The following ABCC1 variants were observed in gnomAD, a reference collection of about 807,000 sequenced individuals.
ABCC1 encodes the protein ATP binding cassette subfamily C member 1 (ABCC1 blood group), also known as multidrug resistance-associated protein 1.
Under a neutral mutation model 172.9 loss-of-function variants are expected in ABCC1, and 83 were observed. The observed-to-expected ratio is 0.48, with a 90% confidence interval of 0.40 to 0.58. The LOEUF is 0.58. Among genes scored for constraint, ABCC1 ranks in the 20% least tolerant of loss-of-function variants. The probability of loss-of-function intolerance (pLI) is 0.00; values close to 1 mark genes in which losing one functional copy is unlikely to be tolerated. For synonymous variants in ABCC1, 937 were observed against 825.2 expected (o/e 1.14, Z -2.32); for missense variants, 1,817 against 2,002.7 (o/e 0.91, Z 1.77).
At chr16:16,079,161 CT>C (rs1041284796) in intron 15 of ABCC1, among the ~76,000 whole-genome samples, 190 bp from the exon 16 acceptor site, 4 of 152,294 alleles carry the variant, frequency 2.6e-5, no homozygotes, top group East Asian at 3.9e-4. Flanking sequence ...TGGAGGCCCC[CT>C]GAGACAGGTC....
chr16:16,020,838 G>A (rs2048169446), intron 5 of ABCC1, among the ~76,000 whole-genome samples: 1 of 152,160 alleles, frequency 6.6e-6, no homozygotes, highest in South Asian at 2.1e-4. Flanking sequence ...CAGCAGTCCT[G>A]GTGAACTTGG....
chr16:16,079,601 C>T, intron 16 of ABCC1, 123 bp downstream of exon 16: 2 of 1,201,650 alleles, frequency 1.7e-6, no homozygotes, highest in Admixed American at 2.7e-5. Flanking sequence ...CGTCTCTTTT[C>T]CTCCTCCTCC....
chr16:16,112,703 G>A (rs145925973), intron 22 of ABCC1, among the ~76,000 whole-genome samples: 14 of 152,334 alleles, frequency 9.2e-5, no homozygotes, highest in Admixed American at 2.6e-4. Flanking sequence ...ACTGTGCTAC[G>A]CAGTATGTGA....
At chr16:16,040,846 A>G (rs1279223813) in intron 7 of ABCC1, among the ~76,000 whole-genome samples, 1 of 152,054 alleles carries the variant, frequency 6.6e-6, no homozygotes, top group Non-Finnish European at 1.5e-5. Context: ...TAGGGACAAG[A>G]GTGAAGGCAG....
intron 5 of ABCC1, among the ~76,000 whole-genome samples, chr16:16,031,587 C>A (rs1202398210): frequency 2.0e-5 from 3 of 152,106 alleles, no homozygotes; most frequent in Non-Finnish European, 4.4e-5. Flanking sequence ...CTACTCAGGC[C>A]CCTTCTTGGT....
In ABCC1 at chr16:15,972,015, G is replaced by A. The variant is rs1388830482; in HGVS notation, c.48+22216G>A. On this transcript the variant is annotated intron_variant, in intron 1 of 30. Transcript: ENST00000399410. ...TGATTTTATAAATAAAATAACATGC[G>A]TTGAGGTCACTCTGTGTTGTGTGGT... Among the ~76,000 whole-genome samples the A allele has an allele frequency of 3.3e-5, 5 of 152,150 alleles. No individual in the cohort carries two copies. The South Asian group carries it at 6.2e-4, about 19-fold the overall frequency.
At chr16:16,045,458 G>A (rs1469090264) in intron 8 of ABCC1, among the ~76,000 whole-genome samples, 1 of 151,574 alleles carries the variant, frequency 6.6e-6, no homozygotes, top group African/African-American at 2.4e-5. Context: ...CAGGAACTGG[G>A]GAGTCAGAAA....
rs528371033 is a variant in ABCC1, at chr16:16,021,188, G to A, written c.615+4567G>A. On this transcript the variant is annotated intron_variant, in intron 5 of 30. Transcript: ENST00000399410. ...TGCATAAGGGTGAAGTGTGCATGAG[G>A]CCTCACAGGACATCAGATTAAGCTG... Among the ~76,000 whole-genome samples, 5 of 152,256 alleles carry A rather than the reference G, an allele frequency of 3.3e-5. No homozygotes were observed. The East Asian group carries it at 7.7e-4, about 23-fold the overall frequency.
Position 16,053,824 on chromosome 16 carries a change from G to A in ABCC1, c.1473+1008G>A, listed in dbSNP as rs1182696228. ...AAAAAAAAAAAAAAAAGTTTAAATCGTACAAAAGTACATAAATTAAAAGGG... is the reference window on the plus strand; with the variant it reads ...AAAAAAAAAAAAAAAAGTTTAAATCATACAAAAGTACATAAATTAAAAGGG... On this transcript the variant is annotated intron_variant, in intron 11 of 30. Transcript: ENST00000399410. Among the ~76,000 whole-genome samples, 10 of 86,408 alleles carry A rather than the reference G, an allele frequency of 1.2e-4. No homozygotes were observed. In the South Asian group the frequency reaches 1.2e-3, roughly 10 times the overall value. 56.7% of individuals were successfully genotyped at this position (86,408 alleles called of 152,430 possible). A position where few individuals can be genotyped will look rare whatever the true frequency, so the allele number is the denominator to read the frequency against.
intron 14 of ABCC1, among the ~76,000 whole-genome samples, chr16:16,074,993 C>T (rs1187589068): frequency 2.1e-5 from 3 of 144,844 alleles, no homozygotes; most frequent in Non-Finnish European, 4.5e-5. Context: ...GTTGCCCAGG[C>T]TGGAGTGCAA....
intron 10 of ABCC1, among the ~76,000 whole-genome samples, chr16:16,049,311 C>G (rs537363595): frequency 6.6e-6 from 1 of 152,312 alleles, no homozygotes; most frequent in East Asian, 1.9e-4. Flanking sequence ...CACCCGTGAA[C>G]CAATCACTGT....
intron 1 of ABCC1, among the ~76,000 whole-genome samples, chr16:15,956,098 G>A (rs1325311738): frequency 6.6e-6 from 1 of 152,138 alleles, no homozygotes; most frequent in Admixed American, 6.5e-5. Context: ...AATTAGCCAG[G>A]TGTGGTGGCT....
At position 16,026,464 on chromosome 16, in the gene ABCC1, CCTTTTTT is replaced by C. The variant is rs2048375955; in HGVS notation, c.616-6644_616-6638del. 1.5e-4 allele frequency among the ~76,000 whole-genome samples: 15 copies of C among 102,296 alleles called. 1 individual carries two copies. In the South Asian group the frequency reaches 3.3e-3, roughly 22 times the overall value. 67.1% of individuals were successfully genotyped at this position (102,296 alleles called of 152,430 possible). A position where few individuals can be genotyped will look rare whatever the true frequency, so the allele number is the denominator to read the frequency against. On this transcript the variant is annotated intron_variant, in intron 5 of 30. Coordinates refer to ENST00000399410, the MANE Select transcript of ABCC1 (RefSeq NM_004996.4). ...AAAAAAAAAAAAAAAAAGGCTATTT[CCTTTTTT>C]TTTTTTTTTTTTTTTTTGCCAGTGA...
chr16:16,124,720 A>C, intron 24 of ABCC1, 69 bp from the exon 25 acceptor site: 90 of 1,601,188 alleles, frequency 5.6e-5, no homozygotes, highest in Non-Finnish European at 6.7e-5. Flanking sequence ...TCCTCCCCCA[A>C]GAGCTGTAAG....
intron 1 of ABCC1, among the ~76,000 whole-genome samples, chr16:15,974,174 C>T (rs1211094077): frequency 6.6e-6 from 1 of 152,104 alleles, no homozygotes; most frequent in East Asian, 1.9e-4. Flanking sequence ...GAATCAGGGC[C>T]TCTTGGTGAC....
chr16:15,953,500 G>A (rs1291318520), intron 1 of ABCC1, among the ~76,000 whole-genome samples: 1 of 152,214 alleles, frequency 6.6e-6, no homozygotes, highest in African/African-American at 2.4e-5. Flanking sequence ...CCCTATGTGG[G>A]ATAACGTAGT....
At chr16:15,964,920 G>T (rs2046211445) in intron 1 of ABCC1, among the ~76,000 whole-genome samples, 1 of 152,054 alleles carries the variant, frequency 6.6e-6, no homozygotes, top group African/African-American at 2.4e-5. Context: ...AGTCCTTTTT[G>T]GGTATGCCTG....
At chr16:15,958,936 C>A (rs1000456590) in intron 1 of ABCC1, among the ~76,000 whole-genome samples, 12 of 152,152 alleles carry the variant, frequency 7.9e-5, no homozygotes, top group African/African-American at 1.9e-4. Flanking sequence ...TGGCCTCTAC[C>A]CCCTAGTAGA....
intron 25 of ABCC1, among the ~76,000 whole-genome samples, 181 bp from the exon 26 acceptor site, chr16:16,125,629 C>T (rs370037935): frequency 2.6e-5 from 4 of 151,652 alleles, no homozygotes; most frequent in East Asian, 3.9e-4. Flanking sequence ...GATGGGGTTT[C>T]GCCACATCGG....
Sources: gnomAD v4.1 joint callset for allele counts (sites outside exome capture counted in the v4.1 genomes callset) on GRCh38, gnomAD v4.1.1 for gene constraint, MANE v1.5 for transcripts, NCBI Gene and HGNC (gene_info 2026-07-23, HGNC 2026-07-21) for gene names.